The following FLVCR1 variants were observed in gnomAD, a reference collection of about 807,000 sequenced individuals.
FLVCR1 encodes FLVCR choline and heme transporter 1.
FLVCR1 carries 34 observed loss-of-function variants against 53.6 expected under a neutral mutation model. The ratio of observed to expected loss-of-function variants is 0.63; its 90% CI spans 0.48 to 0.84. FLVCR1 has a LOEUF of 0.84. Ranked by LOEUF, FLVCR1 falls within the 40% of genes least tolerant of loss-of-function variation. FLVCR1 has a pLI of 0.00. For missense variants in FLVCR1, 677 were observed against 696.7 expected (o/e 0.97, Z 0.32); for synonymous variants, 300 against 286.3 (o/e 1.05, Z -0.48).
chr1:212,893,065 T>TGG (rs71495079), intron 8 of FLVCR1, among the ~76,000 whole-genome samples: 2,005 of 142,028 alleles, frequency 0.014, 51 homozygotes, highest in Admixed American at 0.069. Context: ...TCTTTTTTTT[T>TGG]GGGGGGGGGT....
chr1:212,881,005 A>G (rs1664912706), intron 3 of FLVCR1, among the ~76,000 whole-genome samples: 1 of 152,188 alleles, frequency 6.6e-6, no homozygotes, highest in African/African-American at 2.4e-5. Flanking sequence ...GCTTATATTT[A>G]AAGTCATGTT....
rs1558121111 is a variant in FLVCR1, at chr1:212,889,277, T to C, written c.1525+20T>C. ...TAACAGGTAAATTAGGGCGTTTGCC[T>C]GGCAAAAGGACTTGTGTCATGTGTT... On this transcript the variant is annotated intron_variant, in intron 8 of 9. Coordinates refer to ENST00000366971, the MANE Select transcript of FLVCR1 (RefSeq NM_014053.4). 6.9e-7 allele frequency: 1 copy of C among 1,456,642 alleles called. No homozygotes were observed. The allele number at this position is 1,456,642 out of a possible 1,614,324, so 90.2% of individuals were successfully genotyped here.
intron 2 of FLVCR1, chr1:212,870,118 G>A (rs1664555662): frequency 6.6e-6 from 1 of 152,184 alleles, no homozygotes; most frequent in Admixed American, 6.6e-5. Flanking sequence ...TAGAATGAAA[G>A]GAAGAGGAGG....
chr1:212,898,813 A>C lies in FLVCR1; in HGVS notation c.*3523A>C, dbSNP rs1665405918. The C allele has an allele frequency of 6.6e-6, 1 of 152,242 alleles. No homozygotes were observed. The highest frequency in any genetic ancestry group is 2.4e-5 in the African/African-American group (1 of 41,458). The allele number at this position is 152,242 out of a possible 1,614,324, so 9.4% of individuals were successfully genotyped here. ...ACTGCACACCTGGGCTAGATGGCAA[A>C]GTCTGTCGCTTCTGGGCTACAGACC... On this transcript the variant is annotated 3_prime_UTR_variant, in exon 10 of 10. Coordinates refer to ENST00000366971, the MANE Select transcript of FLVCR1 (RefSeq NM_014053.4).
At chr1:212,878,191 AT>A (rs1440453706) in intron 3 of FLVCR1, among the ~76,000 whole-genome samples, 2 of 152,138 alleles carry the variant, frequency 1.3e-5, no homozygotes, top group Non-Finnish European at 1.5e-5. Flanking sequence ...ATGTTTAGTG[AT>A]CACCCATCTA....
intron 2 of FLVCR1, among the ~76,000 whole-genome samples, chr1:212,870,323 T>C (rs185726350): frequency 6.6e-6 from 1 of 152,250 alleles, no homozygotes; most frequent in East Asian, 1.9e-4. Flanking sequence ...AAAAAATTTT[T>C]AGCAGCAAAC....
Position 212,878,952 on chromosome 1 carries a change from G to C in FLVCR1, c.1025-4419G>C, listed in dbSNP as rs1664846580. ...TGCAGTGAGCTGTGTTTGTGCCACTGTACTGCAGTCTGGGTGACAAAGTGA... is the reference window on the plus strand; with the variant it reads ...TGCAGTGAGCTGTGTTTGTGCCACTCTACTGCAGTCTGGGTGACAAAGTGA... On this transcript the variant is annotated intron_variant, in intron 3 of 9. Transcript: ENST00000366971. 2.6e-5 allele frequency among the ~76,000 whole-genome samples: 4 copies of C among 151,672 alleles called. No individual in the cohort carries two copies. The South Asian group carries it at 6.2e-4, about 24-fold the overall frequency.
chr1:212,888,707 CAG>C (rs1665118970), intron 7 of FLVCR1, 113 bp downstream of exon 7: 2 of 861,904 alleles, frequency 2.3e-6, no homozygotes, highest in Non-Finnish European at 3.8e-6. Context: ...TTTTTGGAGA[CAG>C]AGTCTTGCTC....
intron 1 of FLVCR1, 142 bp downstream of exon 1, chr1:212,859,332 G>A (rs1664148061): frequency 1.6e-6 from 2 of 1,288,874 alleles, no homozygotes; most frequent in Non-Finnish European, 1.1e-6. Context: ...TTGAATAGGA[G>A]GCCGTCTTGG....
At chr1:212,888,070 T>C in intron 6 of FLVCR1, 69 bp downstream of exon 6, 1 of 954,394 alleles carries the variant, frequency 1.0e-6, no homozygotes, top group Non-Finnish European at 1.7e-6. Context: ...ATTACTCTGG[T>C]CTTTAATTTT....
At position 212,895,263 on chromosome 1, in the gene FLVCR1, G is replaced by T. The variant is rs779051064; in HGVS notation, c.1641G>T (p.Leu547Phe). 1 of 1,613,446 alleles carries T rather than the reference G, an allele frequency of 6.2e-7. No individual in the cohort carries two copies. The highest frequency in any genetic ancestry group is 1.7e-5 in the Admixed American group (1 of 59,992). ...PTDQEPKTVMLSKQSESAI is the reference protein window; with the variant it reads ...PTDQEPKTVMFSKQSESAI ...ACCAAGAACCAAAAACGGTTATGTTGTCCAAGCAGTCAGAATCAGCAATTT... is the reference window on the plus strand; with the variant it reads ...ACCAAGAACCAAAAACGGTTATGTTTTCCAAGCAGTCAGAATCAGCAATTT... The change falls in exon 10 of 10, where the codon TTG (leucine) becomes TTT (phenylalanine). Residue 547 changes from leucine to phenylalanine, a missense_variant. By Grantham distance (22) the Leu-to-Phe change is conservative (BLOSUM62 0). Coordinates refer to ENST00000366971, the MANE Select transcript of FLVCR1 (RefSeq NM_014053.4).
At position 212,877,686 on chromosome 1, in the gene FLVCR1, G is replaced by GTTT. The variant is rs56783462; in HGVS notation, c.1024+4883_1024+4885dup. On this transcript the variant is annotated intron_variant, in intron 3 of 9. Transcript: ENST00000366971. ...AAGTTGTCTGTTCACTCTGATGATA[G>GTTT]TTTTTTTTTTTTTTTTTGCTGTGCA... 2.3e-3 allele frequency among the ~76,000 whole-genome samples: 288 copies of GTTT among 127,172 alleles called. 8 individuals are homozygous for GTTT. Among genetic ancestry groups the GTTT allele is most frequent in the African/African-American group, 6.4e-3 (221 of 34,780 alleles). The allele number at this position is 127,172 out of a possible 152,430, so 83.4% of individuals were successfully genotyped here.
intron 2 of FLVCR1, chr1:212,869,928 T>G (rs2102547129): frequency 6.6e-6 from 1 of 152,392 alleles, no homozygotes; most frequent in South Asian, 2.1e-4. Context: ...GTAAGAGACT[T>G]AAGATTCATT....
At position 212,885,416 on chromosome 1, in the gene FLVCR1, TGTATG is replaced by T. The variant is rs1236705838; in HGVS notation, c.1196+23_1196+27del. On this transcript the variant is annotated intron_variant, in intron 5 of 9. Coordinates refer to ENST00000366971, the MANE Select transcript of FLVCR1 (RefSeq NM_014053.4). ...ATACAAGTAAGTGAAAGTAAATACA[TGTATG>T]GTGTATAACCAAAGGTATTTTGATT... 1.3e-6 allele frequency: 2 copies of T among 1,527,472 alleles called. No homozygotes were observed. The allele number at this position is 1,527,472 out of a possible 1,614,324, so 94.6% of individuals were successfully genotyped here.
chr1:212,860,367 T>C (rs1169757186), intron 1 of FLVCR1, among the ~76,000 whole-genome samples: 2 of 146,186 alleles, frequency 1.4e-5, no homozygotes, highest in Non-Finnish European at 3.0e-5. Context: ...TTTTTTTTTT[T>C]TGTAGAAATG....
chr1:212,871,508 C>T (rs894117359), intron 2 of FLVCR1, among the ~76,000 whole-genome samples: 2 of 152,000 alleles, frequency 1.3e-5, no homozygotes, highest in African/African-American at 2.4e-5. Context: ...CTCAGTGAAG[C>T]GATCCTGAAG....
At chr1:212,861,626 A>G (rs189748374) in intron 1 of FLVCR1, among the ~76,000 whole-genome samples, 1 of 150,044 alleles carries the variant, frequency 6.7e-6, no homozygotes, top group African/African-American at 2.4e-5. Context: ...TCTTGTAATT[A>G]CCAGTTATAT....
intron 3 of FLVCR1, among the ~76,000 whole-genome samples, chr1:212,876,372 CT>C (rs113409098): frequency 0.22 from 31,936 of 142,904 alleles, 3,848 homozygotes; most frequent in East Asian, 0.43. Context: ...GATCTCATTT[CT>C]TTTTTTTTTT....
rs901949786 is a variant in FLVCR1 at position 212,860,358 on chromosome 1, T to G, written c.738+1168T>G. On this transcript the variant is annotated intron_variant, in intron 1 of 9. Coordinates refer to ENST00000366971, the MANE Select transcript of FLVCR1 (RefSeq NM_014053.4). Reference sequence around the variant, plus strand: ...AGTTTTTTGTGTGTGTGGTTTTTTTTTTTTTTTTTTGTAGAAATGGGGTTT... The same window carrying G: ...AGTTTTTTGTGTGTGTGGTTTTTTTGTTTTTTTTTTGTAGAAATGGGGTTT... Among the ~76,000 whole-genome samples the G allele has an allele frequency of 2.1e-4, 30 of 139,720 alleles. 1 individual carries two copies. The highest frequency in any genetic ancestry group is 1.3e-4 in the Non-Finnish European group (8 of 63,114). The allele number at this position is 139,720 out of a possible 152,430, so 91.7% of individuals were successfully genotyped here.
Sources: gnomAD v4.1 joint callset for allele counts (sites outside exome capture counted in the v4.1 genomes callset) on GRCh38, gnomAD v4.1.1 for gene constraint, MANE v1.5 for transcripts, NCBI Gene and HGNC (gene_info 2026-07-23, HGNC 2026-07-21) for gene names.